The following CARMIL1 variants were observed in gnomAD, a reference collection of about 807,000 sequenced individuals.
CARMIL1 encodes F-actin-uncapping protein LRRC16A.
Under a neutral mutation model 177.1 loss-of-function variants are expected in CARMIL1, and 90 were observed. The observed-to-expected ratio is 0.51, with a 90% confidence interval of 0.43 to 0.61. The LOEUF (loss-of-function observed/expected upper bound fraction) is 0.61. CARMIL1 is among the 20% of genes least tolerant of loss of function. The pLI is 0.00. For missense variants in CARMIL1, 1,380 were observed against 1,667.0 expected (o/e 0.83, Z 3.00); for synonymous variants, 577 against 606.2 (o/e 0.95, Z 0.71).
chr6:25,525,852 A>G (rs1044596928), intron 23 of CARMIL1, among the ~76,000 whole-genome samples: 5 of 152,366 alleles, frequency 3.3e-5, no homozygotes, highest in South Asian at 2.1e-4. Flanking sequence ...AAATGTAACC[A>G]TACAAAATGC....
At chr6:25,425,855 A>G (rs1469775716) in intron 3 of CARMIL1, among the ~76,000 whole-genome samples, 1 of 152,190 alleles carries the variant, frequency 6.6e-6, no homozygotes, top group Non-Finnish European at 1.5e-5. Context: ...TCGTGTAAAT[A>G]TGGATTTAAT....
At chr6:25,550,851 T>G in intron 26 of CARMIL1, 59 bp from the exon 27 acceptor site, 1 of 1,471,366 alleles carries the variant, frequency 6.8e-7, no homozygotes. Flanking sequence ...TTCAGTTTTA[T>G]GGCGGGCACC....
intron 2 of CARMIL1, among the ~76,000 whole-genome samples, chr6:25,383,081 T>C (rs920256966): frequency 6.6e-6 from 1 of 152,128 alleles, no homozygotes; most frequent in East Asian, 1.9e-4. Flanking sequence ...TTGAGTACTA[T>C]GGGGTGATTT....
In CARMIL1 at chr6:25,600,603, G is replaced by A. The variant is rs772516649; in HGVS notation, c.3409G>A (p.Gly1137Arg). The stretch of plus-strand genomic sequence containing the variant: ...ACCTGACTCCTTTGAAGAGAGTCAA[G>A]GGGAAGAAATAGGGAAGGTGGAACG... ...KTPDSFEESQ[G>R]EEIGKVERSD... Residue 1137 changes from glycine to arginine, a missense_variant, in exon 33 of 37, where the codon GGG (glycine) becomes AGG (arginine). Transcript: ENST00000329474. 61 of 1,614,004 alleles carry A rather than the reference G, an allele frequency of 3.8e-5. No individual in the cohort carries two copies. Among genetic ancestry groups the A allele is most frequent in the Non-Finnish European group, 4.9e-5 (58 of 1,179,888 alleles).
At chr6:25,498,041 A>T (rs894457287) in intron 16 of CARMIL1, among the ~76,000 whole-genome samples, 3 of 152,094 alleles carry the variant, frequency 2.0e-5, no homozygotes, top group African/African-American at 7.2e-5. Context: ...CTCCAGCATC[A>T]CTCAGAGTGC....
chr6:25,359,557 G>A (rs1255393388), intron 2 of CARMIL1, among the ~76,000 whole-genome samples: 1 of 152,244 alleles, frequency 6.6e-6, no homozygotes, highest in East Asian at 1.9e-4. Context: ...TTTGGGGCAT[G>A]TGGGTTTGTG....
chr6:25,310,940 G>A (rs908054499), intron 2 of CARMIL1, among the ~76,000 whole-genome samples: 12 of 152,180 alleles, frequency 7.9e-5, no homozygotes, highest in Admixed American at 7.2e-4. Flanking sequence ...GGCCGGGTGC[G>A]GTGGCCAAGG....
chr6:25,616,625 A>T (rs940403731), intron 36 of CARMIL1, among the ~76,000 whole-genome samples: 4 of 152,198 alleles, frequency 2.6e-5, no homozygotes, highest in Non-Finnish European at 5.9e-5. Flanking sequence ...ATACATACAT[A>T]CATTCTGGAG....
intron 32 of CARMIL1, among the ~76,000 whole-genome samples, chr6:25,598,353 C>T (rs1323096773): frequency 6.6e-6 from 1 of 152,046 alleles, no homozygotes; most frequent in East Asian, 1.9e-4. Flanking sequence ...ATACTCCTAC[C>T]TCAGACTCTT....
chr6:25,467,367 A>G (rs1189297977), intron 9 of CARMIL1, among the ~76,000 whole-genome samples: 1 of 152,180 alleles, frequency 6.6e-6, no homozygotes, highest in Non-Finnish European at 1.5e-5. Flanking sequence ...TGAGAAGGAG[A>G]TTAGTCCAGG....
intron 2 of CARMIL1, among the ~76,000 whole-genome samples, chr6:25,297,794 T>A (rs1264519287): frequency 4.6e-5 from 7 of 152,192 alleles, no homozygotes; most frequent in Non-Finnish European, 1.0e-4. Flanking sequence ...GCTCACGTCG[T>A]TTTTTCTGTG....
At chr6:25,590,985 T>C (rs1346576874) in intron 31 of CARMIL1, among the ~76,000 whole-genome samples, 4 of 152,226 alleles carry the variant, frequency 2.6e-5, no homozygotes, top group Non-Finnish European at 5.9e-5. Context: ...TATATCTTGA[T>C]TGCTTAGCTA....
intron 11 of CARMIL1, among the ~76,000 whole-genome samples, chr6:25,478,710 C>A (rs929445077): frequency 2.0e-5 from 3 of 151,792 alleles, no homozygotes. Flanking sequence ...GCAGGAGATT[C>A]CCTTGAACCT....
chr6:25,590,325 T>C (rs1028319), intron 31 of CARMIL1, among the ~76,000 whole-genome samples: 20,662 of 152,256 alleles, frequency 0.14, 1,803 homozygotes, highest in South Asian at 0.19. Flanking sequence ...TCTAGTGTTA[T>C]AACATTTTTA....
intron 2 of CARMIL1, among the ~76,000 whole-genome samples, chr6:25,345,034 A>G (rs1297539420): frequency 6.6e-6 from 1 of 152,158 alleles, no homozygotes; most frequent in Admixed American, 6.6e-5. Context: ...CATTAGGTCT[A>G]ACATCTCCCC....
intron 11 of CARMIL1, among the ~76,000 whole-genome samples, chr6:25,473,523 A>G (rs1801260331): frequency 1.3e-5 from 2 of 152,232 alleles, no homozygotes; most frequent in South Asian, 2.1e-4. Flanking sequence ...TTTCCTGTTC[A>G]TTAAGTGGAA....
chr6:25,510,630 A>G (rs1805372058), intron 19 of CARMIL1, 24 bp downstream of exon 19: 1 of 1,511,850 alleles, frequency 6.6e-7, no homozygotes, highest in Non-Finnish European at 9.0e-7. Context: ...ATTTTTTTAT[A>G]TGACAATGAT....
intron 2 of CARMIL1, among the ~76,000 whole-genome samples, chr6:25,389,452 G>C (rs925923381): frequency 6.6e-6 from 1 of 152,068 alleles, no homozygotes; most frequent in African/African-American, 2.4e-5. Flanking sequence ...AGAAGCTGGG[G>C]ATACAGGCAT....
At position 25,279,755 on chromosome 6, in the gene CARMIL1, A is replaced by G. The variant is rs759344541; in HGVS notation, c.-41A>G. 1.2e-6 allele frequency: 2 copies of G among 1,605,714 alleles called. No homozygotes were observed. Among genetic ancestry groups the G allele is most frequent in the African/African-American group, 2.7e-5 (2 of 74,726 alleles). ...GGGGAAGGGCAGGGGGCCATAAATC[A>G]GAGTTGGACCTGCAATAACCCCCAC... On this transcript the variant is annotated 5_prime_UTR_variant, in exon 1 of 37. Coordinates refer to ENST00000329474, the MANE Select transcript of CARMIL1 (RefSeq NM_017640.6).
Sources: allele counts gnomAD v4.1 joint callset (sites outside exome capture counted in the v4.1 genomes callset), GRCh38; gene constraint gnomAD v4.1.1; transcripts MANE v1.5; gene names NCBI Gene and HGNC (gene_info 2026-07-23, HGNC 2026-07-21).